The following ADCY9 variants were observed in gnomAD, a reference collection of about 807,000 sequenced individuals.
ADCY9 encodes the protein adenylate cyclase 9.
Under a neutral mutation model 101.5 loss-of-function variants are expected in ADCY9, and 50 were observed. The observed-to-expected ratio is 0.49, with a 90% CI of 0.39 to 0.62. The LOEUF (loss-of-function observed/expected upper bound fraction) is 0.62. Ranked by LOEUF, ADCY9 falls within the 20% of genes least tolerant of loss-of-function variation. The pLI is 0.00. For synonymous variants in ADCY9, 905 were observed against 769.3 expected (o/e 1.18, Z -2.92); for missense variants, 1,662 against 1,800.4 (o/e 0.92, Z 1.39).
intron 3 of ADCY9, among the ~76,000 whole-genome samples, chr16:4,005,386 C>A (rs1399014737): frequency 6.6e-6 from 1 of 152,122 alleles, no homozygotes; most frequent in Non-Finnish European, 1.5e-5. Context: ...GCCACCAAGC[C>A]CAGTTAATTT....
At chr16:4,026,434 A>AG (rs1330226098) in intron 2 of ADCY9, among the ~76,000 whole-genome samples, 3 of 151,774 alleles carry the variant, frequency 2.0e-5, no homozygotes, top group Non-Finnish European at 4.4e-5. Flanking sequence ...TCAAAAAAAA[A>AG]AAAAAAAAAA....
chr16:4,022,025 T>C (rs1340975195), intron 2 of ADCY9, among the ~76,000 whole-genome samples: 1 of 152,196 alleles, frequency 6.6e-6, no homozygotes, highest in Non-Finnish European at 1.5e-5. Context: ...CTTTAATCAC[T>C]GAGACCATAA....
intron 2 of ADCY9, among the ~76,000 whole-genome samples, chr16:4,061,456 G>A (rs914817391): frequency 2.6e-5 from 4 of 152,098 alleles, no homozygotes; most frequent in Non-Finnish European, 5.9e-5. Flanking sequence ...AGAAAATCTT[G>A]ACTGCATGAA....
Position 4,051,647 on chromosome 16 carries a change from G to A in ADCY9, c.1694-44089C>T, listed in dbSNP as rs575215818. ...CCAAATCTGGGACAATCTGGGTATC[G>A]AAGCAAATGATAATGGTAATGAATT... On this transcript the variant is annotated intron_variant, in intron 2 of 10. Coordinates refer to ENST00000294016, the MANE Select transcript of ADCY9 (RefSeq NM_001116.4). Among the ~76,000 whole-genome samples the A allele has an allele frequency of 1.3e-4, 20 of 152,202 alleles. No individual in the cohort carries two copies. In the South Asian group the frequency reaches 4.1e-3, roughly 32 times the overall value.
intron 2 of ADCY9, among the ~76,000 whole-genome samples, chr16:4,111,940 A>G (rs1282136787): frequency 6.6e-6 from 1 of 151,956 alleles, no homozygotes; most frequent in Non-Finnish European, 1.5e-5. Flanking sequence ...GTATTCAATG[A>G]CTTGGCAATT....
chr16:4,002,620 C>T (rs377555771), intron 3 of ADCY9, among the ~76,000 whole-genome samples: 4 of 152,214 alleles, frequency 2.6e-5, no homozygotes, highest in Admixed American at 2.0e-4. Context: ...CACGCAGGTG[C>T]GCTCCAGGGA....
chr16:3,976,161 T>C (rs191685945), intron 9 of ADCY9, among the ~76,000 whole-genome samples: 6 of 152,060 alleles, frequency 3.9e-5, no homozygotes, highest in African/African-American at 1.4e-4. Context: ...CTGGCTAATT[T>C]TTTGTATTTT....
At chr16:4,000,641 C>T (rs1167189980) in intron 3 of ADCY9, among the ~76,000 whole-genome samples, 1 of 152,076 alleles carries the variant, frequency 6.6e-6, no homozygotes, top group Non-Finnish European at 1.5e-5. Context: ...ACCACATGAA[C>T]ACACACGTGT....
chr16:3,965,507 G>C lies in ADCY9; in HGVS notation c.*268C>G. On this transcript the variant is annotated 3_prime_UTR_variant, in exon 11 of 11. Coordinates refer to ENST00000294016, the MANE Select transcript of ADCY9 (RefSeq NM_001116.4). ...GGCCTCTGTCCCGAGACTCGAGGCC[G>C]AGGCCAGCCCTGAAGGCACTTGTTC... 2 of 490,830 alleles carry C rather than the reference G, an allele frequency of 4.1e-6. No individual in the cohort carries two copies. The highest frequency in any genetic ancestry group is 7.2e-6 in the Non-Finnish European group (2 of 278,726). The allele number at this position is 490,830 out of a possible 1,614,324, so 30.4% of individuals were successfully genotyped here.
At position 4,084,674 on chromosome 16, in the gene ADCY9, C is replaced by T. The variant is rs183664096; in HGVS notation, c.1693+29076G>A. On this transcript the variant is annotated intron_variant, in intron 2 of 10. Transcript: ENST00000294016. ...CTGGGTGGTCGAGGCTTCAGTGAGC[C>T]ATGATTGCACCACTGCACTCCAGCC... Among the ~76,000 whole-genome samples, 748 of 152,066 alleles carry T rather than the reference C, an allele frequency of 4.9e-3. 26 individuals are homozygous for T. Among genetic ancestry groups the T allele is most frequent in the Non-Finnish European group, 2.0e-3 (136 of 67,968 alleles).
At chr16:4,017,156 C>G (rs2056444187) in intron 2 of ADCY9, among the ~76,000 whole-genome samples, 1 of 140,616 alleles carries the variant, frequency 7.1e-6, no homozygotes, top group Non-Finnish European at 1.6e-5. Flanking sequence ...AGGGTGAGAC[C>G]CTGTCTCAAA....
intron 6 of ADCY9, among the ~76,000 whole-genome samples, chr16:3,985,620 C>T (rs918028834): frequency 4.6e-5 from 7 of 152,190 alleles, no homozygotes; most frequent in Non-Finnish European, 8.8e-5. Context: ...AAGGTTTCCA[C>T]GTGGGCTGCC....
chr16:3,969,569 A>AATAGATATAT (rs1451993942), intron 10 of ADCY9, among the ~76,000 whole-genome samples: 1 of 45,228 alleles, frequency 2.2e-5, no homozygotes, highest in Non-Finnish European at 4.4e-5. Context: ...GTTTGTTTGA[A>AATAGATATAT]ATATATATAT....
chr16:4,016,434 G>A (rs2239312), intron 2 of ADCY9, among the ~76,000 whole-genome samples: 23,008 of 152,054 alleles, frequency 0.15, 1,851 homozygotes, highest in South Asian at 0.3. Context: ...GGAGGGAGGG[G>A]GATAGGTCAC....
chr16:3,971,309 C>T (rs958183991), intron 10 of ADCY9, among the ~76,000 whole-genome samples: 1 of 152,206 alleles, frequency 6.6e-6, no homozygotes, highest in Non-Finnish European at 1.5e-5. Flanking sequence ...CGTCAACTCA[C>T]ACACCCTTCC....
chr16:3,960,850 TA>T (rs1567409545), downstream of ADCY9, among the ~76,000 whole-genome samples: 1 of 152,224 alleles, frequency 6.6e-6, no homozygotes, highest in African/African-American at 2.4e-5. Context: ...AGGAACTGTA[TA>T]AAAATAGACA....
intron 3 of ADCY9, among the ~76,000 whole-genome samples, chr16:3,998,741 GAAAGAAAGAAAGAAAAGAAAAGAAAAGA>G (rs2056307627): frequency 1.0e-4 from 5 of 47,740 alleles, no homozygotes; most frequent in African/African-American, 4.4e-4. Context: ...AAAAAGAAAA[GAAAGAAAGAAAGAAAAGAAAAGAAAAGA>G]AAAGAAAAGA....
intron 2 of ADCY9, among the ~76,000 whole-genome samples, chr16:4,039,249 G>A (rs924245605): frequency 2.0e-5 from 3 of 151,996 alleles, no homozygotes; most frequent in Non-Finnish European, 2.9e-5. Context: ...ACGTACTTGC[G>A]GTGCTGTTTC....
rs548306209 is a variant in ADCY9, at chr16:4,006,109, AG to A, written c.1884+1258del. ...ACCACTGTCCCGGTGGTTTTCACCC[AG>A]GGGTGACTCTGCACCCCCAGGGGAC... On this transcript the variant is annotated intron_variant, in intron 3 of 10. Transcript: ENST00000294016. Among the ~76,000 whole-genome samples the A allele has an allele frequency of 7.9e-5, 12 of 152,304 alleles. No homozygotes were observed. The East Asian group carries it at 2.3e-3, about 29-fold the overall frequency.
Sources: allele counts gnomAD v4.1 joint callset (sites outside exome capture counted in the v4.1 genomes callset), GRCh38; gene constraint gnomAD v4.1.1; transcripts MANE v1.5; gene names NCBI Gene and HGNC (gene_info 2026-07-23, HGNC 2026-07-21).